The following DDX19B variants were observed in gnomAD, a reference collection of about 807,000 sequenced individuals.
The protein encoded by DDX19B is ATP-dependent RNA helicase DDX19B.
In DDX19B, 27 loss-of-function variants were observed where a neutral mutation model predicts 58.1. The ratio of observed to expected loss-of-function variants is 0.46; its 90% CI spans 0.34 to 0.64. The LOEUF (loss-of-function observed/expected upper bound fraction) is 0.64. DDX19B is among the 30% of genes least tolerant of loss of function. The pLI, the probability that DDX19B is intolerant of heterozygous loss-of-function variation, is 0.01. For synonymous variants in DDX19B, 187 were observed against 214.4 expected (o/e 0.87, Z 1.12); for missense variants, 399 against 596.5 (o/e 0.67, Z 3.45).
intron 9 of DDX19B, among the ~76,000 whole-genome samples, chr16:70,330,490 A>AGG (rs1963427314): frequency 3.3e-5 from 5 of 152,288 alleles, no homozygotes; most frequent in African/African-American, 1.2e-4. Context: ...CAGGAGGCTG[A>AGG]AGCAGGAGAA....
At chr16:70,304,835 TTTC>T (rs1301212004) in intron 1 of DDX19B, among the ~76,000 whole-genome samples, 3 of 152,118 alleles carry the variant, frequency 2.0e-5, no homozygotes, top group African/African-American at 7.2e-5. Flanking sequence ...TCACTTCTAC[TTTC>T]TTATTTTTAA....
chr16:70,329,833 T>C lies in DDX19B; in HGVS notation c.788T>C (p.Met263Thr). The change falls in exon 9 of 12, where the codon ATG (methionine) becomes ACG (threonine). Residue 263 changes from methionine (M) to threonine (T), a missense_variant and splice_region_variant. Physicochemically the swap from Met to Thr is moderately conservative, Grantham distance 81 (BLOSUM62 -1). Around this residue, in one of 4 missense-constraint regions of DDX19B, gnomAD observed 198 missense variants for 345.9 expected, o/e 0.57. Coordinates refer to ENST00000288071, the MANE Select transcript of DDX19B (RefSeq NM_007242.7). ...HQDQSIRIQR[M>T]LPRNCQMLLF... ...CCTACCAGGGCCTTCCCTTGCAGGATGCTGCCCAGGAACTGCCAGATGCTG... is the reference window on the plus strand; with the variant it reads ...CCTACCAGGGCCTTCCCTTGCAGGACGCTGCCCAGGAACTGCCAGATGCTG... 1 of 1,614,190 alleles carries C rather than the reference T, an allele frequency of 6.2e-7. No homozygotes were observed.
upstream of DDX19B, among the ~76,000 whole-genome samples, chr16:70,293,104 TTA>T (rs1961101813): frequency 2.1e-5 from 3 of 145,642 alleles, no homozygotes; most frequent in African/African-American, 7.9e-5. Context: ...TAAATTAAAT[TTA>T]AAAAATAATA....
chr16:70,314,341 G>C lies in DDX19B; in HGVS notation c.107-561G>C, dbSNP rs180989944. ...AGGGAAATAACAGGTTTTGAGGTAC[G>C]GAGAGGAGACCTAGAATAGGAAAGA... is the stretch of plus-strand genomic sequence containing the variant. On this transcript the variant is annotated intron_variant, in intron 2 of 11. Transcript: ENST00000288071. 3.3e-3 allele frequency among the ~76,000 whole-genome samples: 499 copies of C among 152,088 alleles called. 2 individuals are homozygous for C. The highest frequency in any genetic ancestry group is 0.011 in the African/African-American group (445 of 41,488).
intron 5 of DDX19B, among the ~76,000 whole-genome samples, chr16:70,319,285 G>A (rs1267636682): frequency 6.6e-6 from 1 of 152,152 alleles, no homozygotes; most frequent in African/African-American, 2.4e-5. Flanking sequence ...AGCTCTAGGA[G>A]ACCTGAATAA....
chr16:70,331,899 T>A lies in DDX19B; in HGVS notation c.1186+15T>A, dbSNP rs1394933949. The A allele has an allele frequency of 2.5e-6, 4 of 1,610,664 alleles. No homozygotes were observed. In the Admixed American group the frequency reaches 5.1e-5, roughly 20 times the overall value. On this transcript the variant is annotated intron_variant, in intron 10 of 11. Coordinates refer to ENST00000288071, the MANE Select transcript of DDX19B (RefSeq NM_007242.7). ...GTGTGCCCGCGGTGAGCAGAGGACGTGTCCCACCTGGTCTGCCAGGCTTGG... is the reference window on the plus strand; with the variant it reads ...GTGTGCCCGCGGTGAGCAGAGGACGAGTCCCACCTGGTCTGCCAGGCTTGG...
At chr16:70,318,064 C>CAAAAAA (rs549888922) in intron 5 of DDX19B, 1 of 73,738 alleles carries the variant, frequency 1.4e-5, no homozygotes. Flanking sequence ...GACTTTGTCT[C>CAAAAAA]AAAAAAAAAA....
upstream of DDX19B, among the ~76,000 whole-genome samples, chr16:70,293,007 G>A (rs564572665): frequency 6.6e-6 from 1 of 152,240 alleles, no homozygotes; most frequent in South Asian, 2.1e-4. Context: ...TCAGAAGGCT[G>A]AGGCAGAGGC....
Position 70,331,835 on chromosome 16 carries a change from C to T in DDX19B, c.1137C>T (p.Phe379=). 6.2e-7 allele frequency: 1 copy of T among 1,614,058 alleles called. No individual in the cohort carries two copies. Among genetic ancestry groups the T allele is most frequent in the South Asian group, 1.1e-5 (1 of 91,070 alleles). Residue 379 remains phenylalanine, a synonymous_variant, in exon 10 of 12, where the codon TTC becomes TTT. Coordinates refer to ENST00000288071, the MANE Select transcript of DDX19B (RefSeq NM_007242.7). Reference sequence around the variant, plus strand: ...AGAGGGCTGCAGTGATTGAGCGCTTCCGAGAGGGCAAAGAGAAGGTTTTGG... The same window carrying T: ...AGAGGGCTGCAGTGATTGAGCGCTTTCGAGAGGGCAAAGAGAAGGTTTTGG... The part of the protein sequence containing the change: ...VEQRAAVIER[F]REGKEKVLVT...
chr16:70,311,724 G>A (rs1428409582), intron 1 of DDX19B, among the ~76,000 whole-genome samples: 1 of 152,154 alleles, frequency 6.6e-6, no homozygotes, highest in Admixed American at 6.6e-5. Context: ...TACAGTATCA[G>A]ACACCAGCAA....
chr16:70,305,886 G>A (rs893952975), intron 1 of DDX19B, among the ~76,000 whole-genome samples: 7 of 151,712 alleles, frequency 4.6e-5, no homozygotes, highest in Admixed American at 2.6e-4. Context: ...TCAGCTTCCC[G>A]AGTAGCTGGG....
intron 7 of DDX19B, among the ~76,000 whole-genome samples, chr16:70,328,354 T>C (rs957243366): frequency 6.6e-6 from 1 of 151,256 alleles, no homozygotes; most frequent in Non-Finnish European, 1.5e-5. Context: ...GGTAGAGAAT[T>C]CTGAATTTTT....
At chr16:70,291,381 G>C (rs979102198), upstream of DDX19B, among the ~76,000 whole-genome samples, 2 of 152,246 alleles carry the variant, frequency 1.3e-5, no homozygotes, top group Admixed American at 1.3e-4. Flanking sequence ...ACTTAAAATA[G>C]AAAGCCAAAA....
chr16:70,304,800 A>C (rs1347411497), intron 1 of DDX19B, among the ~76,000 whole-genome samples: 2 of 150,092 alleles, frequency 1.3e-5, no homozygotes, highest in African/African-American at 4.9e-5. Context: ...AGATTTTCTC[A>C]AGTACTGTCT....
chr16:70,294,614 A>C (rs74578812), upstream of DDX19B, among the ~76,000 whole-genome samples: 5,479 of 152,286 alleles, frequency 0.036, 348 homozygotes, highest in African/African-American at 0.12. Context: ...CCCTGCCCTC[A>C]TGGAGTTCCC....
intron 11 of DDX19B, 125 bp from the exon 12 acceptor site, chr16:70,333,396 T>G: frequency 7.1e-7 from 1 of 1,403,238 alleles, no homozygotes; most frequent in South Asian, 1.3e-5. Flanking sequence ...TTGCTGTCAG[T>G]GACTAGGGGC....
At chr16:70,297,249 G>C (rs1419419752), upstream of DDX19B, among the ~76,000 whole-genome samples, 5 of 150,430 alleles carry the variant, frequency 3.3e-5, no homozygotes, top group African/African-American at 9.8e-5. Context: ...AGTTTCACTC[G>C]TCGCCCAGGC....
rs770625356 is a variant in DDX19B at position 70,316,081 on chromosome 16, G to A, written c.273G>A (p.Val91=). The A allele has an allele frequency of 6.2e-7, 1 of 1,613,980 alleles. No homozygotes were observed. The highest frequency in any genetic ancestry group is 1.3e-5 in the African/African-American group (1 of 74,904). ...QRDPNSPLYS[V]KSFEELRLKP... ...ATCCAAACTCCCCTCTGTACTCGGT[G>A]AAGTCTTTTGAAGAGCTTCGGCTGT... is the stretch of plus-strand genomic sequence containing the variant. The change falls in exon 4 of 12, where the codon GTG becomes GTA. Residue 91 remains valine, a synonymous_variant. Coordinates refer to ENST00000288071, the MANE Select transcript of DDX19B (RefSeq NM_007242.7).
chr16:70,322,633 A>G (rs1962902696), intron 5 of DDX19B, among the ~76,000 whole-genome samples: 1 of 149,998 alleles, frequency 6.7e-6, no homozygotes, highest in South Asian at 2.1e-4. Context: ...GTGGCTCACG[A>G]CTGTAATCCC....
Sources: gnomAD v4.1 joint callset for allele counts (sites outside exome capture counted in the v4.1 genomes callset) on GRCh38, gnomAD v4.1.1 for gene constraint, gnomAD v4.1.1 regional missense constraint, MANE v1.5 for transcripts, NCBI Gene and HGNC (gene_info 2026-07-23, HGNC 2026-07-21) for gene names.